The following PAXIP1 variants were observed in gnomAD, a reference collection of about 807,000 sequenced individuals.
PAXIP1 encodes the protein PAX-interacting protein 1.
A neutral mutation model predicts 140.6 loss-of-function variants in PAXIP1; 19 were observed. The observed-to-expected ratio is 0.14, with a 90% CI of 0.09 to 0.20. The LOEUF is 0.20. Ranked by LOEUF, PAXIP1 falls within the 10% of genes least tolerant of loss-of-function variation. The pLI, the probability that PAXIP1 is intolerant of heterozygous loss-of-function variation, is 1.00. For missense variants in PAXIP1, 920 were observed against 1,208.6 expected (o/e 0.76, Z 3.54); for synonymous variants, 442 against 444.6 (o/e 0.99, Z 0.07).
Position 154,983,228 on chromosome 7 carries a change from C to T in PAXIP1, c.429G>A (p.Glu143=), listed in dbSNP as rs778681513. 33 of 1,593,362 alleles carry T rather than the reference C, an allele frequency of 2.1e-5. No homozygotes were observed. In the East Asian group the frequency reaches 7.2e-4, roughly 35 times the overall value. The change falls in exon 5 of 21, where the codon GAG becomes GAA. Residue 143 remains glutamate, a synonymous_variant. Coordinates refer to ENST00000404141, the MANE Select transcript of PAXIP1 (RefSeq NM_007349.4). ...NKKCTHLIVP[E]PKGEKYECAL... is the part of the protein sequence containing the mutation. ...CACAAGAAACGCTTACCCCCTTTGG[C>T]TCTGGAACAATCAAATGCGTGCATT...
At position 154,993,617 on chromosome 7, in the gene PAXIP1, A is replaced by C. The variant is rs118014161; in HGVS notation, c.260+109T>G. On this transcript the variant is annotated intron_variant, in intron 3 of 20. Coordinates refer to ENST00000404141, the MANE Select transcript of PAXIP1 (RefSeq NM_007349.4). ...TAGGAATATAAGATGTAGACAAAAC[A>C]ATCTGTCCTAACGAATGAATCCACT... 3.0e-4 allele frequency: 244 copies of C among 818,616 alleles called. 2 individuals carry two copies. The East Asian group carries it at 5.2e-3, about 18-fold the overall frequency. The allele number at this position is 818,616 out of a possible 1,614,324, so 50.7% of individuals were successfully genotyped here. A position where few individuals can be genotyped will look rare whatever the true frequency, so the allele number is the denominator to read the frequency against.
Position 154,945,378 on chromosome 7 carries a change from T to C in PAXIP1, c.3194+987A>G, listed in dbSNP as rs149123531. On this transcript the variant is annotated intron_variant, in intron 20 of 20. Transcript: ENST00000404141. ...TCTTTAGCGTTAAGAGGAAAATGTT[T>C]GATAAATGTAATTAACTGGATGAAT... 18 of 240,474 alleles carry C rather than the reference T, an allele frequency of 7.5e-5. No homozygotes were observed. The East Asian group carries it at 1.1e-3, about 14-fold the overall frequency. 14.9% of individuals were successfully genotyped at this position (240,474 alleles called of 1,614,324 possible). A position where few individuals can be genotyped will look rare whatever the true frequency, so the allele number is the denominator to read the frequency against.
chr7:154,971,309 G>C lies in PAXIP1; in HGVS notation c.1075-2183C>G, dbSNP rs546932798. ...GCAACTTAACAGCTGTTTCTACTAC[G>C]GGCTTGAGTTAAGATGGGTCTTCAT... On this transcript the variant is annotated intron_variant, in intron 6 of 20. Transcript: ENST00000404141. Among the ~76,000 whole-genome samples the C allele has an allele frequency of 1.2e-4, 19 of 152,306 alleles. No homozygotes were observed. In the South Asian group the frequency reaches 3.7e-3, roughly 30 times the overall value.
At chr7:154,971,844 C>G (rs1490627772) in intron 6 of PAXIP1, among the ~76,000 whole-genome samples, 1 of 152,202 alleles carries the variant, frequency 6.6e-6, no homozygotes, top group African/African-American at 2.4e-5. Context: ...TCAACTAAAT[C>G]TGTCTCATAT....
chr7:154,986,058 G>C lies in PAXIP1; in HGVS notation c.325-2726C>G. The C allele has an allele frequency of 7.3e-7, 1 of 1,365,216 alleles. No individual in the cohort carries two copies. Among genetic ancestry groups the C allele is most frequent in the Non-Finnish European group, 9.8e-7 (1 of 1,021,368 alleles). 84.6% of individuals were successfully genotyped at this position (1,365,216 alleles called of 1,614,324 possible). The stretch of plus-strand genomic sequence containing the variant: ...GAGGCCTCAGCCTGCATCAATACCG[G>C]GTCAGAAGAAGGCAGATGATCTCTG... On this transcript the variant is annotated intron_variant, in intron 4 of 20. Coordinates refer to ENST00000404141, the MANE Select transcript of PAXIP1 (RefSeq NM_007349.4). The surrounding 1 kb of genome is among the most constrained non-coding windows in gnomAD (Gnocchi z 4.8).
chr7:154,961,556 G>A lies in PAXIP1; in HGVS notation c.2220C>T (p.Cys740=). The A allele has an allele frequency of 6.2e-7, 1 of 1,607,034 alleles. No individual in the cohort carries two copies. Among genetic ancestry groups the A allele is most frequent in the Non-Finnish European group, 8.5e-7 (1 of 1,176,216 alleles). Residue 740 remains cysteine, a synonymous_variant, in exon 11 of 21, where the codon TGC becomes TGT. Coordinates refer to ENST00000404141, the MANE Select transcript of PAXIP1 (RefSeq NM_007349.4). ...TACAGATGAGGACTGTGTTGCTGCG[G>A]CATAGATAACCCGTATATTTGGCAC... ...LAGAKYTGYL[C]RSNTVLICKE... is the part of the protein sequence containing the mutation.
intron 14 of PAXIP1, 94 bp from the exon 15 acceptor site, chr7:154,955,725 A>G: frequency 1.6e-6 from 1 of 627,748 alleles, no homozygotes. Context: ...TAGTTTAACA[A>G]GCTTTAACTG....
In PAXIP1 at chr7:154,946,101, TTA is replaced by T. The variant is rs1019046423; in HGVS notation, c.3194+262_3194+263del. The T allele has an allele frequency of 2.8e-5, 27 of 975,310 alleles. No homozygotes were observed. Among genetic ancestry groups the T allele is most frequent in the Non-Finnish European group, 3.3e-5 (27 of 820,796 alleles). 60.4% of individuals were successfully genotyped at this position (975,310 alleles called of 1,614,324 possible). On this transcript the variant is annotated intron_variant, in intron 20 of 20. Coordinates refer to ENST00000404141, the MANE Select transcript of PAXIP1 (RefSeq NM_007349.4). The surrounding 1 kb of genome is among the most constrained non-coding windows in gnomAD (Gnocchi z 4.9). ...CTATTTTATCTAATTGTCAAATTCT[TTA>T]ATACCTCCATAAACTAGACAGTATA...
chr7:154,943,860 G>A lies in PAXIP1; in HGVS notation c.*289C>T, dbSNP rs925009066. On this transcript the variant is annotated 3_prime_UTR_variant, in exon 21 of 21. Transcript: ENST00000404141. Reference sequence around the variant, plus strand: ...CCATTTTATTTCTAGTTGAAGTCCCGTAACAGTTTTGTGAAAACATTTAAA... The same window carrying A: ...CCATTTTATTTCTAGTTGAAGTCCCATAACAGTTTTGTGAAAACATTTAAA... 5 of 378,196 alleles carry A rather than the reference G, an allele frequency of 1.3e-5. No individual in the cohort carries two copies. Among genetic ancestry groups the A allele is most frequent in the South Asian group, 7.2e-5 (2 of 27,658 alleles). 23.4% of individuals were successfully genotyped at this position (378,196 alleles called of 1,614,324 possible). A position where few individuals can be genotyped will look rare whatever the true frequency, so the allele number is the denominator to read the frequency against.
chr7:154,956,461 C>G lies in PAXIP1; in HGVS notation c.2549+763G>C, dbSNP rs1390237428. On this transcript the variant is annotated intron_variant, in intron 14 of 20. Transcript: ENST00000404141. The surrounding 1 kb of genome is among the most constrained non-coding windows in gnomAD (Gnocchi z 4.2). ...GCAGTTATATTTCACCATGTACAGT[C>G]TGGAAAGAAGAGTTTTCTAGAATCA... 1 of 152,134 alleles carries G rather than the reference C, an allele frequency of 6.6e-6. No individual in the cohort carries two copies. The highest frequency in any genetic ancestry group is 1.5e-5 in the Non-Finnish European group (1 of 68,030). The allele number at this position is 152,134 out of a possible 1,614,324, so 9.4% of individuals were successfully genotyped here.
chr7:154,990,850 T>C (rs989586812), intron 4 of PAXIP1, among the ~76,000 whole-genome samples, 156 bp downstream of exon 4: 1 of 152,210 alleles, frequency 6.6e-6, no homozygotes, highest in African/African-American at 2.4e-5. Context: ...AGCACAAATA[T>C]TTAAATAATT....
In PAXIP1 at chr7:154,967,849, C is replaced by T. The variant is rs750160335; in HGVS notation, c.1860G>A (p.Met620Ile). 15 of 1,613,746 alleles carry T rather than the reference C, an allele frequency of 9.3e-6. No individual in the cohort carries two copies. Among genetic ancestry groups the T allele is most frequent in the Non-Finnish European group, 1.2e-5 (14 of 1,179,766 alleles). The change falls in exon 8 of 21, where the codon ATG becomes ATA. Residue 620 changes from methionine (M) to isoleucine (I), a missense_variant. Around this residue, in one of 5 missense-constraint regions of PAXIP1, gnomAD observed 62 missense variants for 69.0 expected, o/e 0.90. Transcript: ENST00000404141. ...AGGTGGCCAGCAGTTGCTTATCAGACATCTGCTCTGGATAATCCGCAATTG... is the reference window on the plus strand; with the variant it reads ...AGGTGGCCAGCAGTTGCTTATCAGATATCTGCTCTGGATAATCCGCAATTG... Reference protein sequence around the residue: ...VFAIADYPEQMSDKQLLATWK... With the variant: ...VFAIADYPEQISDKQLLATWK...
intron 4 of PAXIP1, among the ~76,000 whole-genome samples, chr7:154,989,836 C>A (rs2150780444): frequency 6.6e-6 from 1 of 152,242 alleles, no homozygotes; most frequent in Middle Eastern, 3.4e-3. Context: ...CATGTCTTTA[C>A]AAGTTTTCAT....
intron 8 of PAXIP1, among the ~76,000 whole-genome samples, chr7:154,966,661 C>T (rs4960652): frequency 0.5 from 75,619 of 152,098 alleles, 20,228 homozygotes; most frequent in Middle Eastern, 0.62. Flanking sequence ...CTGTCCTTCT[C>T]AGAACTGCTC....
Position 154,975,819 on chromosome 7 carries a change from T to C in PAXIP1, c.951A>G (p.Gln317=). Residue 317 remains glutamine, a synonymous_variant, in exon 6 of 21, where the codon CAA becomes CAG. Transcript: ENST00000404141. The part of the protein sequence containing the change: ...EVRGNLMAAG[Q]NLQSSERSEM... ...CTGATCTTTCAGAACTTTGGAGGTT[T>C]TGTCCAGCAGCCATTAAATTACCCC... is the stretch of plus-strand genomic sequence containing the variant. 1 of 1,613,990 alleles carries C rather than the reference T, an allele frequency of 6.2e-7. No individual in the cohort carries two copies. The highest frequency in any genetic ancestry group is 8.5e-7 in the Non-Finnish European group (1 of 1,179,894).
At chr7:155,002,110 T>C (rs1810932350) in intron 1 of PAXIP1, 1 of 152,250 alleles carries the variant, frequency 6.6e-6, no homozygotes, top group African/African-American at 2.4e-5. Context: ...CTGATAACTG[T>C]GTGACATCAA....
At position 154,954,465 on chromosome 7, in the gene PAXIP1, AT is replaced by A. The variant is rs1808421797; in HGVS notation, c.2653-43del. 2.9e-6 allele frequency: 4 copies of A among 1,383,108 alleles called. No homozygotes were observed. Among genetic ancestry groups the A allele is most frequent in the Non-Finnish European group, 1.9e-6 (2 of 1,034,042 alleles). The allele number at this position is 1,383,108 out of a possible 1,614,324, so 85.7% of individuals were successfully genotyped here. A position where few individuals can be genotyped will look rare whatever the true frequency, so the allele number is the denominator to read the frequency against. ...CAGGTCGGAAATGAAAAAGTTCAGCATCCACAGAGCCACACTGACACAGAGT... is the reference window on the plus strand; with the variant it reads ...CAGGTCGGAAATGAAAAAGTTCAGCACCACAGAGCCACACTGACACAGAGT... On this transcript the variant is annotated intron_variant, in intron 15 of 20. Transcript: ENST00000404141. This position sits in a 1 kb window ranked among gnomAD's most constrained non-coding sequence, Gnocchi z 5.1.
intron 5 of PAXIP1, 88 bp downstream of exon 5, chr7:154,983,127 ATAAC>A: frequency 3.2e-6 from 2 of 632,254 alleles, no homozygotes; most frequent in Non-Finnish European, 5.5e-6. Context: ...ATGAAATATA[ATAAC>A]TAATTTAAAA....
At chr7:154,959,810 T>G (rs756026036) in intron 13 of PAXIP1, 80 bp downstream of exon 13, 35 of 909,530 alleles carry the variant, frequency 3.8e-5, no homozygotes, top group Non-Finnish European at 6.2e-5. Flanking sequence ...AAATAATTTT[T>G]AATTTATGAA....
Sources: allele counts gnomAD v4.1 joint callset (sites outside exome capture counted in the v4.1 genomes callset), GRCh38; gene constraint gnomAD v4.1.1; regional missense constraint gnomAD v4.1.1; non-coding constraint Gnocchi (gnomAD v3.1); transcripts MANE v1.5; gene names NCBI Gene and HGNC (gene_info 2026-07-23, HGNC 2026-07-21).